PRRG1: variants seen among roughly 807,000 people sequenced by gnomAD.
The protein encoded by PRRG1 is transmembrane gamma-carboxyglutamic acid protein 1.
In PRRG1, 5 loss-of-function variants were observed where a neutral mutation model predicts 11.8. That is an observed-to-expected ratio of 0.42 (90% CI 0.22 to 0.89). PRRG1 has a LOEUF of 0.89. Among genes scored for constraint, PRRG1 ranks in the 40% least tolerant of loss-of-function variants. PRRG1 has a pLI of 0.28. For synonymous variants in PRRG1, 66 were observed against 60.4 expected, an observed-to-expected ratio of 1.09 and a Z score of -0.43; for missense variants, 155 against 166.1, an observed-to-expected ratio of 0.93 and a Z score of 0.37.
At chrX:37,385,139 G>A (rs1931284493) in intron 1 of PRRG1, among the ~76,000 whole-genome samples, 1 of 111,930 alleles carries the variant, frequency 8.9e-6, no homozygotes, top group Non-Finnish European at 1.9e-5. Context: ...TACCTAACAT[G>A]GAATCAGTAG....
chrX:37,450,991 G>GA (rs1921107925), intron 3 of PRRG1, among the ~76,000 whole-genome samples: 1 of 81,868 alleles, frequency 1.2e-5, no homozygotes, highest in African/African-American at 6.3e-5. Context: ...CATTTTTGCT[G>GA]TTTTTGTTTT....
At chrX:37,394,394 C>T (rs781838183) in intron 1 of PRRG1, among the ~76,000 whole-genome samples, 1 of 111,443 alleles carries the variant, frequency 9.0e-6, no homozygotes, top group South Asian at 3.8e-4. Flanking sequence ...GATCCTTTTA[C>T]CCTTAAAAAT....
chrX:37,380,990 A>G (rs782530922), intron 1 of PRRG1, among the ~76,000 whole-genome samples: 1 of 111,864 alleles, frequency 8.9e-6, no homozygotes, highest in African/African-American at 3.2e-5. Context: ...CAAATGAACT[A>G]TAATACTTTG....
intron 1 of PRRG1, among the ~76,000 whole-genome samples, chrX:37,379,908 T>C (rs1254023502): frequency 9.0e-6 from 1 of 111,119 alleles, no homozygotes; most frequent in African/African-American, 3.3e-5. Flanking sequence ...GAACTTGCAA[T>C]CTGGGGAGAA....
chrX:37,362,084 C>CA, intron 1 of PRRG1, among the ~76,000 whole-genome samples: 1 of 110,878 alleles, frequency 9.0e-6, no homozygotes, highest in Non-Finnish European at 1.9e-5. Flanking sequence ...TTTGATTTCT[C>CA]AAAAAAATTA....
chrX:37,380,911 A>T (rs1387519559), intron 1 of PRRG1, among the ~76,000 whole-genome samples: 2 of 111,579 alleles, frequency 1.8e-5, no homozygotes, highest in African/African-American at 6.5e-5. Context: ...GATTCTGTAA[A>T]CCAACTTGGC....
chrX:37,372,702 C>T (rs973805173), intron 1 of PRRG1, among the ~76,000 whole-genome samples: 1 of 112,678 alleles, frequency 8.9e-6, no homozygotes, highest in Non-Finnish European at 1.9e-5. Flanking sequence ...AACTCCTTAT[C>T]AGATGTATAG....
At chrX:37,415,652 C>T (rs1370207796) in intron 2 of PRRG1, among the ~76,000 whole-genome samples, 1 of 111,709 alleles carries the variant, frequency 9.0e-6, no homozygotes, top group Non-Finnish European at 1.9e-5. Context: ...GGTCTAGGCT[C>T]CCCACAATTT....
chrX:37,451,703 G>A (rs782060927), intron 3 of PRRG1, among the ~76,000 whole-genome samples: 31 of 111,910 alleles, frequency 2.8e-4, no homozygotes, highest in African/African-American at 1.0e-3. Context: ...GTTCCTCTTA[G>A]AATTATAGAA....
chrX:37,360,852 T>C (rs1930387932), intron 1 of PRRG1, among the ~76,000 whole-genome samples: 1 of 112,710 alleles, frequency 8.9e-6, no homozygotes, highest in Non-Finnish European at 1.9e-5. Flanking sequence ...CCATTGCAAG[T>C]TGCTTTTTGA....
intron 3 of PRRG1, among the ~76,000 whole-genome samples, chrX:37,440,336 T>C (rs1932952600): frequency 8.9e-6 from 1 of 111,815 alleles, no homozygotes; most frequent in African/African-American, 3.3e-5. Flanking sequence ...GAAAACCTAA[T>C]AGAACCTACA....
At chrX:37,366,436 G>A (rs1315392447) in intron 1 of PRRG1, among the ~76,000 whole-genome samples, 1 of 112,141 alleles carries the variant, frequency 8.9e-6, no homozygotes, top group Admixed American at 9.4e-5. Context: ...ATGATCCATT[G>A]CTTGGACCAT....
At chrX:37,382,817 A>G (rs1209033411) in intron 1 of PRRG1, among the ~76,000 whole-genome samples, 1 of 111,587 alleles carries the variant, frequency 9.0e-6, no homozygotes, top group Non-Finnish European at 1.9e-5. Flanking sequence ...CTAAAATAGG[A>G]CATCATTACA....
At chrX:37,450,992 T>TTTTTGTTTTG (rs560769877) in intron 3 of PRRG1, among the ~76,000 whole-genome samples, 2,620 of 106,513 alleles carry the variant, frequency 0.025, 58 homozygotes, top group African/African-American at 0.059. Context: ...ATTTTTGCTG[T>TTTTTGTTTTG]TTTTGTTTTG....
At chrX:37,406,587 A>G (rs782369066) in intron 2 of PRRG1, among the ~76,000 whole-genome samples, 1 of 110,137 alleles carries the variant, frequency 9.1e-6, no homozygotes, top group Non-Finnish European at 1.9e-5. Context: ...CAGCTTCTTT[A>G]TAAGTCTTTT....
At position 37,453,684 on chromosome X, in the gene PRRG1, T is replaced by C; in HGVS notation, c.*63T>C. 9.7e-7 allele frequency: 1 copy of C among 1,031,528 alleles called. No individual in the cohort carries two copies. The allele number at this position is 1,031,528 out of a possible 1,213,427, so 85.0% of individuals were successfully genotyped here. On this transcript the variant is annotated 3_prime_UTR_variant, in exon 4 of 4. Coordinates refer to ENST00000378628, the MANE Select transcript of PRRG1 (RefSeq NM_001142395.2). ...TACTAATGGAAGAACTTTCTAGCAC[T>C]TTACCACTACATAAATGTTCATTGA...
At chrX:37,391,796 G>T (rs782656751) in intron 1 of PRRG1, among the ~76,000 whole-genome samples, 2 of 111,996 alleles carry the variant, frequency 1.8e-5, no homozygotes, top group Admixed American at 9.5e-5. Flanking sequence ...ATTCACTGAG[G>T]TGTTTCTATA....
At chrX:37,404,605 C>T (rs1188393761) in intron 1 of PRRG1, among the ~76,000 whole-genome samples, 1 of 110,608 alleles carries the variant, frequency 9.0e-6, no homozygotes, top group African/African-American at 3.3e-5. Flanking sequence ...TGAGGTATGT[C>T]CAGGCCACCT....
chrX:37,411,329 T>G (rs1471185336), intron 2 of PRRG1, among the ~76,000 whole-genome samples: 5 of 111,571 alleles, frequency 4.5e-5, no homozygotes, highest in Non-Finnish European at 9.4e-5. Flanking sequence ...CAATCCCCAG[T>G]GGATACCAGA....
Sources: allele counts gnomAD v4.1 joint callset (sites outside exome capture counted in the v4.1 genomes callset), GRCh38; gene constraint gnomAD v4.1.1; transcripts MANE v1.5; gene names NCBI Gene and HGNC (gene_info 2026-07-23, HGNC 2026-07-21).